The following ZFP14 variants were observed in gnomAD, a reference collection of about 807,000 sequenced individuals.
ZFP14 encodes ZFP14 zinc finger protein.
A neutral mutation model predicts 54.5 loss-of-function variants in ZFP14; 22 were observed. That is an observed-to-expected ratio of 0.40 (90% CI 0.29 to 0.58). The LOEUF is 0.58. ZFP14 is among the 20% of genes least tolerant of loss of function. The pLI is 0.39. For missense variants in ZFP14, 470 were observed against 637.8 expected (o/e 0.74, Z 2.83); for synonymous variants, 159 against 204.0 (o/e 0.78, Z 1.88).
At chr19:36,356,674 A>C (rs1203045219) in intron 4 of ZFP14, among the ~76,000 whole-genome samples, 1 of 152,038 alleles carries the variant, frequency 6.6e-6, no homozygotes, top group African/African-American at 2.4e-5. Flanking sequence ...GGAAACCACT[A>C]ATTTGTTTTT....
In ZFP14 at chr19:36,340,886, A is replaced by G; in HGVS notation, c.940T>C (p.Cys314Arg). The G allele has an allele frequency of 6.2e-7, 1 of 1,614,028 alleles. No individual in the cohort carries two copies. The highest frequency in any genetic ancestry group is 8.5e-7 in the Non-Finnish European group (1 of 1,180,024). ...RLHTAEKLYE[C>R]KECGKAFVCG... The stretch of plus-strand genomic sequence containing the variant: ...ACGAAGGCTTTCCCACATTCCTTAC[A>G]TTCATAGAGCTTTTCAGCAGTATGA... Residue 314 changes from cysteine to arginine, a missense_variant, in exon 5 of 5, where the codon TGT (cysteine) becomes CGT (arginine). Cys to Arg is a radical substitution (Grantham distance 180). Transcript: ENST00000270001. The surrounding 1 kb of genome is among the most constrained non-coding windows in gnomAD (Gnocchi z 5.4).
chr19:36,353,852 T>G (rs1256720973), intron 4 of ZFP14, among the ~76,000 whole-genome samples: 1 of 140,624 alleles, frequency 7.1e-6, no homozygotes, highest in Non-Finnish European at 1.6e-5. Flanking sequence ...GGTGGGAGGA[T>G]CGCTTGAGCC....
At chr19:36,374,078 G>A (rs2031922065) in intron 1 of ZFP14, among the ~76,000 whole-genome samples, 1 of 152,150 alleles carries the variant, frequency 6.6e-6, no homozygotes, top group Non-Finnish European at 1.5e-5. Context: ...AGGTTGTGGG[G>A]ACACCGACAC....
At chr19:36,358,409 C>T (rs987620898) in intron 4 of ZFP14, among the ~76,000 whole-genome samples, 1 of 152,122 alleles carries the variant, frequency 6.6e-6, no homozygotes, top group African/African-American at 2.4e-5. Context: ...CTGCACCCGG[C>T]CTGATTTTTT....
chr19:36,355,072 G>A (rs2031592193), intron 4 of ZFP14, among the ~76,000 whole-genome samples: 1 of 143,540 alleles, frequency 7.0e-6, no homozygotes, highest in South Asian at 2.2e-4. Flanking sequence ...CAACATGATT[G>A]CTGGGACCCA....
rs569455164 is a variant in ZFP14, at chr19:36,337,111, C to T, written c.*3113G>A. ...ATATCATTTAATATTTAGTCCATGT[C>T]CACACTTCCCTCACTGTCTCCAAAA... On this transcript the variant is annotated 3_prime_UTR_variant, in exon 5 of 5. Transcript: ENST00000270001. 2 of 152,126 alleles carry T rather than the reference C, an allele frequency of 1.3e-5. No homozygotes were observed. Among genetic ancestry groups the T allele is most frequent in the Non-Finnish European group, 2.9e-5 (2 of 68,042 alleles). 9.4% of individuals were successfully genotyped at this position (152,126 alleles called of 1,614,324 possible).
At chr19:36,376,220 T>C (rs1429224576) in intron 1 of ZFP14, among the ~76,000 whole-genome samples, 3 of 152,212 alleles carry the variant, frequency 2.0e-5, no homozygotes, top group African/African-American at 4.8e-5. Context: ...AAGTCAGCTA[T>C]ATTAATAAAG....
intron 4 of ZFP14, among the ~76,000 whole-genome samples, chr19:36,358,245 G>A (rs1384405882): frequency 2.0e-5 from 3 of 151,714 alleles, no homozygotes; most frequent in Non-Finnish European, 4.4e-5. Flanking sequence ...TGACTAGCTG[G>A]GATTACAGGC....
chr19:36,357,223 A>G (rs1038343325), intron 4 of ZFP14, among the ~76,000 whole-genome samples: 1 of 152,132 alleles, frequency 6.6e-6, no homozygotes, highest in Non-Finnish European at 1.5e-5. Flanking sequence ...TTGTATTTTC[A>G]GTAGAGATCA....
At chr19:36,359,803 C>T (rs373769049) in intron 4 of ZFP14, among the ~76,000 whole-genome samples, 1 of 151,934 alleles carries the variant, frequency 6.6e-6, no homozygotes, top group East Asian at 1.9e-4. Context: ...TACAGGTGCC[C>T]GCCACTATGC....
chr19:36,351,402 G>C (rs1432194718), intron 4 of ZFP14, among the ~76,000 whole-genome samples: 1 of 142,046 alleles, frequency 7.0e-6, no homozygotes, highest in Non-Finnish European at 1.6e-5. Flanking sequence ...TAGAGGCCGA[G>C]GTGGGAGAAT....
chr19:36,346,577 C>A, intron 4 of ZFP14, among the ~76,000 whole-genome samples: 1 of 152,078 alleles, frequency 6.6e-6, no homozygotes, highest in East Asian at 1.9e-4. Flanking sequence ...CCTGCCTCAG[C>A]CTCCTGAGTA....
chr19:36,363,980 A>C (rs191127366), intron 2 of ZFP14, among the ~76,000 whole-genome samples: 50 of 150,394 alleles, frequency 3.3e-4, no homozygotes, highest in African/African-American at 1.2e-3. Flanking sequence ...ACAGAGTAAG[A>C]CTCGGTCTCA....
chr19:36,369,314 T>G (rs1234807688), intron 1 of ZFP14, among the ~76,000 whole-genome samples: 2 of 152,216 alleles, frequency 1.3e-5, no homozygotes, highest in African/African-American at 2.4e-5. Context: ...AGGAAACTAA[T>G]GCCCAGGGGT....
intron 2 of ZFP14, 73 bp downstream of exon 2, chr19:36,367,811 A>G: frequency 2.6e-6 from 4 of 1,536,482 alleles, no homozygotes; most frequent in Non-Finnish European, 3.5e-6. Flanking sequence ...AAGTTTCAGA[A>G]TAAAGAATGA....
Position 36,367,945 on chromosome 19 carries a change from G to T in ZFP14, c.-53C>A. 6.3e-7 allele frequency: 1 copy of T among 1,591,726 alleles called. No individual in the cohort carries two copies. Among genetic ancestry groups the T allele is most frequent in the Non-Finnish European group, 8.6e-7 (1 of 1,168,400 alleles). Reference sequence around the variant, plus strand: ...TCCTTTTCAAGATTTCTCTGTTGGAGAACTATGGAGTCCTGATAAGCCAGA... The same window carrying T: ...TCCTTTTCAAGATTTCTCTGTTGGATAACTATGGAGTCCTGATAAGCCAGA... On this transcript the variant is annotated 5_prime_UTR_variant, in exon 2 of 5. Coordinates refer to ENST00000270001, the MANE Select transcript of ZFP14 (RefSeq NM_020917.3).
rs1397771643 is a variant in ZFP14, at chr19:36,335,856, T to G, written c.*4368A>C. 1 of 152,032 alleles carries G rather than the reference T, an allele frequency of 6.6e-6. No homozygotes were observed. The allele number at this position is 152,032 out of a possible 1,614,324, so 9.4% of individuals were successfully genotyped here. On this transcript the variant is annotated 3_prime_UTR_variant, in exon 5 of 5. Transcript: ENST00000270001. ...TTCAAGCAATTCTCCTGCCTCAGGC[T>G]CCCCAGTAGCTTAGATTACAGGTGC...
chr19:36,356,414 C>T (rs1056373819), intron 4 of ZFP14, among the ~76,000 whole-genome samples: 5 of 149,142 alleles, frequency 3.4e-5, no homozygotes, highest in South Asian at 4.2e-4. Context: ...GGTGACAGAG[C>T]GAGACTGTCT....
At position 36,341,150 on chromosome 19, in the gene ZFP14, T is replaced by C. The variant is rs776401073; in HGVS notation, c.676A>G (p.Lys226Glu). 8 of 1,614,186 alleles carry C rather than the reference T, an allele frequency of 5.0e-6. No homozygotes were observed. The highest frequency in any genetic ancestry group is 5.9e-6 in the Non-Finnish European group (7 of 1,180,020). The change falls in exon 5 of 5, where the codon AAA becomes GAA. Residue 226 changes from lysine to glutamate, a missense_variant. Transcript: ENST00000270001. This position sits in a 1 kb window ranked among gnomAD's most constrained non-coding sequence, Gnocchi z 4.2. ...CCACACTCCTTACATTCATAGGGTT[T>C]CTCACCGGTGTGAAGTTTGTGATGT... is the stretch of plus-strand genomic sequence containing the variant. ...IRHHKLHTGE[K>E]PYECKECGKA...
Sources: gnomAD v4.1 joint callset for allele counts (sites outside exome capture counted in the v4.1 genomes callset) on GRCh38, gnomAD v4.1.1 for gene constraint, Gnocchi (gnomAD v3.1) non-coding constraint, MANE v1.5 for transcripts, NCBI Gene and HGNC (gene_info 2026-07-23, HGNC 2026-07-21) for gene names.